LPIN2: variants seen among roughly 807,000 people sequenced by gnomAD.
The protein encoded by LPIN2 is lipin 2.
A neutral mutation model predicts 111.4 loss-of-function variants in LPIN2; 55 were observed. The observed-to-expected ratio is 0.49, with a 90% confidence interval of 0.40 to 0.62. LPIN2 has a LOEUF of 0.62. LPIN2 is among the 20% of genes least tolerant of loss of function. The pLI, the probability that LPIN2 is intolerant of heterozygous loss-of-function variation, is 0.00. For synonymous variants in LPIN2, 425 were observed against 414.0 expected, an observed-to-expected ratio of 1.03 and a Z score of -0.32; for missense variants, 992 against 1,112.1, an observed-to-expected ratio of 0.89 and a Z score of 1.54.
rs371500974 is a variant in LPIN2 at position 2,927,915 on chromosome 18, C to T, written c.1621-104G>A. On this transcript the variant is annotated intron_variant, in intron 11 of 19. Coordinates refer to ENST00000677752, the MANE Select transcript of LPIN2 (RefSeq NM_001375808.2). ...GGGGCCTTACTATGGAATGTGAGAA[C>T]GTGACCGATGCTCTCTTCACACCTC... The T allele has an allele frequency of 2.5e-5, 23 of 926,222 alleles. No individual in the cohort carries two copies. In the East Asian group the frequency reaches 4.1e-4, roughly 17 times the overall value. The allele number at this position is 926,222 out of a possible 1,614,324, so 57.4% of individuals were successfully genotyped here.
chr18:2,986,047 G>A (rs952592067), intron 1 of LPIN2, among the ~76,000 whole-genome samples: 1 of 152,170 alleles, frequency 6.6e-6, no homozygotes, highest in African/African-American at 2.4e-5. Flanking sequence ...TGGCTCACCT[G>A]AAACAAATGT....
intron 3 of LPIN2, 33 bp from the exon 4 acceptor site, chr18:2,951,389 T>C (rs751431788): frequency 1.3e-6 from 2 of 1,570,618 alleles, no homozygotes; most frequent in South Asian, 1.1e-5. Flanking sequence ...AAGTTATCCA[T>C]GACAAACTCG....
At chr18:2,985,415 C>A (rs1194644216) in intron 1 of LPIN2, 2 of 152,080 alleles carry the variant, frequency 1.3e-5, no homozygotes, top group Non-Finnish European at 2.9e-5. Flanking sequence ...AAAAAAGCTA[C>A]TTTTTACTTT....
chr18:2,982,629 G>T, intron 1 of LPIN2: 2 of 987,420 alleles, frequency 2.0e-6, no homozygotes, highest in Non-Finnish European at 2.9e-6. Flanking sequence ...GATTGAGCAA[G>T]CAGCGAAGGG....
At chr18:3,002,650 G>A (rs977839026) in intron 1 of LPIN2, among the ~76,000 whole-genome samples, 23 of 152,120 alleles carry the variant, frequency 1.5e-4, no homozygotes, top group Non-Finnish European at 1.0e-4. Flanking sequence ...GGCACTATGA[G>A]AATAAAGAAA....
At chr18:2,946,505 C>T (rs1380118215) in intron 4 of LPIN2, 15 of 1,566,400 alleles carry the variant, frequency 9.6e-6, no homozygotes, top group South Asian at 2.2e-5. Flanking sequence ...GAAGCGCTGA[C>T]CGCAGCTCCG....
At chr18:2,975,264 G>A (rs2077992484) in intron 1 of LPIN2, among the ~76,000 whole-genome samples, 1 of 152,196 alleles carries the variant, frequency 6.6e-6, no homozygotes, top group South Asian at 2.1e-4. Flanking sequence ...CAGGCTATGT[G>A]TGGGTAGGAA....
At chr18:2,946,395 T>C (rs761359889) in intron 4 of LPIN2, 2 of 1,483,978 alleles carry the variant, frequency 1.3e-6, no homozygotes, top group Non-Finnish European at 1.9e-6. Flanking sequence ...GAAAAATCAG[T>C]TGTTCTTCTC....
In LPIN2 at chr18:2,982,321, T is replaced by C. The variant is rs553091015; in HGVS notation, c.-9-21472A>G. Among the ~76,000 whole-genome samples, 15 of 152,262 alleles carry C rather than the reference T, an allele frequency of 9.9e-5. No individual in the cohort carries two copies. The South Asian group carries it at 3.1e-3, about 31-fold the overall frequency. ...TATGATTTTTACTACTACACTTAAA[T>C]GCAAAGAGAATGTGAAACCAAATAT... is the stretch of plus-strand genomic sequence containing the variant. On this transcript the variant is annotated intron_variant, in intron 1 of 19. Transcript: ENST00000677752.
chr18:2,949,908 G>A (rs2143092951), intron 4 of LPIN2, among the ~76,000 whole-genome samples: 1 of 152,168 alleles, frequency 6.6e-6, no homozygotes, highest in East Asian at 1.9e-4. Flanking sequence ...AGACCAGCCT[G>A]GGCAACATAG....
intron 1 of LPIN2, among the ~76,000 whole-genome samples, chr18:3,005,019 T>C (rs989942972): frequency 2.6e-5 from 4 of 152,132 alleles, no homozygotes; most frequent in African/African-American, 9.7e-5. Context: ...GTAGGTGCTA[T>C]CTCTCTGTTA....
intron 6 of LPIN2, among the ~76,000 whole-genome samples, chr18:2,938,324 G>C (rs914243079): frequency 2.6e-5 from 4 of 152,182 alleles, no homozygotes; most frequent in African/African-American, 9.7e-5. Context: ...AGGAGTTCGA[G>C]ATTAGCCTGG....
At chr18:3,010,786 T>C (rs1319586764) in intron 1 of LPIN2, among the ~76,000 whole-genome samples, 4 of 152,146 alleles carry the variant, frequency 2.6e-5, no homozygotes, top group Admixed American at 2.0e-4. Flanking sequence ...TGCTGATATA[T>C]ATTAGGAAAT....
At chr18:2,927,153 C>T (rs2077145379) in intron 12 of LPIN2, among the ~76,000 whole-genome samples, 1 of 152,186 alleles carries the variant, frequency 6.6e-6, no homozygotes, top group East Asian at 1.9e-4. Context: ...AAAGGCAGCC[C>T]CCTTGCTGAC....
chr18:2,940,828 T>A (rs1413438379), intron 4 of LPIN2, 116 bp from the exon 5 acceptor site: 8 of 701,110 alleles, frequency 1.1e-5, no homozygotes, highest in Admixed American at 6.1e-5. Context: ...AAATGATTAC[T>A]AACTCTCTCT....
At position 2,951,468 on chromosome 18, in the gene LPIN2, T is replaced by C. The variant is rs145661570; in HGVS notation, c.289-112A>G. 6.8e-5 allele frequency: 61 copies of C among 897,944 alleles called. 1 individual carries two copies. The East Asian group carries it at 1.5e-3, about 22-fold the overall frequency. The allele number at this position is 897,944 out of a possible 1,614,324, so 55.6% of individuals were successfully genotyped here. On this transcript the variant is annotated intron_variant, in intron 3 of 19. Coordinates refer to ENST00000677752, the MANE Select transcript of LPIN2 (RefSeq NM_001375808.2). ...CCATGGTAAAAAAAAAAAAAATACA[T>C]ATTCCCTAAAGGCAAGAAAGTCCCA...
chr18:2,982,423 CTT>C (rs1384087141), intron 1 of LPIN2, among the ~76,000 whole-genome samples: 1 of 151,978 alleles, frequency 6.6e-6, no homozygotes, highest in Non-Finnish European at 1.5e-5. Flanking sequence ...AAAAAAAAGT[CTT>C]TTGTTAAATA....
chr18:3,004,478 C>T (rs969280031), intron 1 of LPIN2, among the ~76,000 whole-genome samples: 9 of 152,084 alleles, frequency 5.9e-5, no homozygotes, highest in African/African-American at 2.2e-4. Flanking sequence ...CTGGTTCCCC[C>T]GATACTGAAC....
chr18:2,973,058 C>T (rs1189635379), intron 1 of LPIN2, among the ~76,000 whole-genome samples: 1 of 152,160 alleles, frequency 6.6e-6, no homozygotes, highest in Non-Finnish European at 1.5e-5. Context: ...TAAACTATTA[C>T]TTAAGTTAAC....
Sources: gnomAD v4.1 joint callset for allele counts (sites outside exome capture counted in the v4.1 genomes callset) on GRCh38, gnomAD v4.1.1 for gene constraint, MANE v1.5 for transcripts, NCBI Gene and HGNC (gene_info 2026-07-23, HGNC 2026-07-21) for gene names.